Variants in SLC35F4 observed in about 807,000 individuals in gnomAD.
SLC35F4 encodes the protein chromosome 14 open reading frame 36.
Under a neutral mutation model 44.2 loss-of-function variants are expected in SLC35F4, and 24 were observed. The ratio of observed to expected loss-of-function variants is 0.54; its 90% CI spans 0.39 to 0.76. SLC35F4 has a LOEUF of 0.76. SLC35F4 is among the 30% of genes least tolerant of loss of function. The pLI is 0.00. For missense variants in SLC35F4, 562 were observed against 586.1 expected, an observed-to-expected ratio of 0.96 and a Z score of 0.42; for synonymous variants, 238 against 223.6, an observed-to-expected ratio of 1.06 and a Z score of -0.57.
chr14:57,725,066 T>C (rs1370075614), intron 1 of SLC35F4, among the ~76,000 whole-genome samples: 2 of 152,150 alleles, frequency 1.3e-5, no homozygotes, highest in Non-Finnish European at 2.9e-5. Context: ...GTGAGGATAC[T>C]TGGATCCCAA....
At chr14:57,590,065 G>A (rs549495246) in intron 2 of SLC35F4, among the ~76,000 whole-genome samples, 5 of 149,976 alleles carry the variant, frequency 3.3e-5, no homozygotes, top group East Asian at 2.0e-4. Flanking sequence ...ATAAATATTC[G>A]TTTCCATTTT....
At chr14:57,929,815 T>C (rs1013258897) in intron 1 of SLC35F4, among the ~76,000 whole-genome samples, 6 of 152,216 alleles carry the variant, frequency 3.9e-5, no homozygotes, top group Admixed American at 1.3e-4. Context: ...TCAGTCAGCA[T>C]AGGGCTGAAT....
intron 1 of SLC35F4, among the ~76,000 whole-genome samples, chr14:57,874,555 G>A (rs1888357980): frequency 6.6e-6 from 1 of 152,200 alleles, no homozygotes; most frequent in African/African-American, 2.4e-5. Context: ...GAAGGAAACT[G>A]AGGCTAGAGG....
intron 1 of SLC35F4, among the ~76,000 whole-genome samples, chr14:57,851,258 A>G (rs546157713): frequency 1.3e-5 from 2 of 152,314 alleles, no homozygotes; most frequent in Admixed American, 1.3e-4. Context: ...TATTACCATT[A>G]AATTTTGCAT....
At chr14:57,901,112 C>A (rs762132304) in intron 1 of SLC35F4, among the ~76,000 whole-genome samples, 1 of 152,158 alleles carries the variant, frequency 6.6e-6, no homozygotes, top group Non-Finnish European at 1.5e-5. Context: ...GACAGTGTGG[C>A]GATTCTTCAA....
At chr14:57,617,590 G>A (rs1278544605) in intron 1 of SLC35F4, among the ~76,000 whole-genome samples, 5 of 152,206 alleles carry the variant, frequency 3.3e-5, no homozygotes, top group Non-Finnish European at 4.4e-5. Flanking sequence ...TAAAATAGCT[G>A]TGAATAATGA....
chr14:57,904,474 G>A (rs967589497), intron 1 of SLC35F4, among the ~76,000 whole-genome samples: 1 of 152,308 alleles, frequency 6.6e-6, no homozygotes, highest in East Asian at 1.9e-4. Flanking sequence ...TCACACAAAT[G>A]CAAGACAGTG....
At chr14:57,661,558 A>C (rs2074137826) in intron 1 of SLC35F4, among the ~76,000 whole-genome samples, 1 of 152,226 alleles carries the variant, frequency 6.6e-6, no homozygotes, top group Non-Finnish European at 1.5e-5. Flanking sequence ...ATAAATCAGT[A>C]AGAAGCAATC....
At chr14:57,786,198 T>C (rs1210173808) in intron 1 of SLC35F4, among the ~76,000 whole-genome samples, 1 of 152,028 alleles carries the variant, frequency 6.6e-6, no homozygotes, top group African/African-American at 2.4e-5. Flanking sequence ...GCCATAATTC[T>C]CCTAGGTACA....
At chr14:57,844,826 C>T (rs937059236) in intron 1 of SLC35F4, among the ~76,000 whole-genome samples, 2 of 152,156 alleles carry the variant, frequency 1.3e-5, no homozygotes, top group Admixed American at 6.5e-5. Context: ...GCCCTCCGCC[C>T]TCTGTCCATA....
chr14:57,726,039 C>T (rs2076193992), intron 1 of SLC35F4, among the ~76,000 whole-genome samples: 1 of 152,170 alleles, frequency 6.6e-6, no homozygotes, highest in Non-Finnish European at 1.5e-5. Flanking sequence ...CTTTGGGATC[C>T]TCTTACCTTT....
intron 1 of SLC35F4, among the ~76,000 whole-genome samples, chr14:57,668,143 T>C (rs78609634): frequency 0.61 from 86,041 of 142,152 alleles, 25,550 homozygotes; most frequent in African/African-American, 0.69. Context: ...TTTTGAGAAG[T>C]GTCTGTTCAT....
intron 5 of SLC35F4, 76 bp downstream of exon 5, chr14:57,571,818 A>G (rs45451394): frequency 0.059 from 88,796 of 1,511,180 alleles, 2,866 homozygotes; most frequent in African/African-American, 0.068. Context: ...CAATGATTAC[A>G]TCGTACTTTC....
intron 1 of SLC35F4, among the ~76,000 whole-genome samples, chr14:57,904,350 G>C (rs930766215): frequency 1.3e-5 from 2 of 152,128 alleles, no homozygotes; most frequent in African/African-American, 4.8e-5. Flanking sequence ...TGAAAATTTG[G>C]ACAGTTTTGT....
intron 1 of SLC35F4, among the ~76,000 whole-genome samples, chr14:57,721,331 C>A (rs2076081639): frequency 6.6e-6 from 1 of 152,044 alleles, no homozygotes; most frequent in Non-Finnish European, 1.5e-5. Context: ...AATTTAGTGA[C>A]TCTGTACATA....
chr14:57,946,356 A>G (rs1890025326), intron 1 of SLC35F4, among the ~76,000 whole-genome samples: 1 of 151,318 alleles, frequency 6.6e-6, no homozygotes, highest in South Asian at 2.1e-4. Flanking sequence ...CTGGCCAATT[A>G]TCCCAGCACT....
At chr14:57,582,179 CT>C (rs2069325765) in intron 3 of SLC35F4, among the ~76,000 whole-genome samples, 1 of 149,882 alleles carries the variant, frequency 6.7e-6, no homozygotes, top group African/African-American at 2.5e-5. Context: ...CATTTTTTTC[CT>C]TTAAGTCCTA....
chr14:57,873,883 A>T (rs146410325), intron 1 of SLC35F4, among the ~76,000 whole-genome samples: 10 of 152,084 alleles, frequency 6.6e-5, no homozygotes, highest in Non-Finnish European at 1.3e-4. Context: ...TCTCCTTTCC[A>T]TGGAATGTGA....
rs1001391153 is a variant in SLC35F4, at chr14:57,903,026, G to GT, written n.282+78886dup. Among the ~76,000 whole-genome samples, 3 of 152,128 alleles carry GT rather than the reference G, an allele frequency of 2.0e-5. No individual in the cohort carries two copies. In the South Asian group the frequency reaches 6.2e-4, roughly 32 times the overall value. On this transcript the variant is annotated intron_variant and non_coding_transcript_variant, in intron 1 of 1. Transcript: ENST00000556568. ...ACCTCATATGTTACATGTTTATTAG[G>GT]TTTTTTTATTGTCTTTCTCTCCCCC...
Sources: gnomAD v4.1 joint callset for allele counts (sites outside exome capture counted in the v4.1 genomes callset) on GRCh38, gnomAD v4.1.1 for gene constraint, MANE v1.5 for transcripts, NCBI Gene and HGNC (gene_info 2026-07-23, HGNC 2026-07-21) for gene names.